Variants in UGT2B4 observed in about 807,000 individuals in gnomAD.
The protein encoded by UGT2B4 is UDP glucuronosyltransferase family 2 member B4, also known as UDP-glucuronosyltransferase 2B4.
In UGT2B4, 49 loss-of-function variants were observed where a neutral mutation model predicts 49.8. The observed-to-expected ratio is 0.98, with a 90% CI of 0.78 to 1.25. The LOEUF (loss-of-function observed/expected upper bound fraction) is 1.25, where lower values mean the gene tolerates loss of function less well. UGT2B4 is among the 50% of genes most tolerant of loss of function. The probability of loss-of-function intolerance (pLI) is 0.00; values close to 1 mark genes in which losing one functional copy is unlikely to be tolerated. For synonymous variants in UGT2B4, 246 were observed against 217.7 expected (o/e 1.13, Z -1.14); for missense variants, 729 against 627.7 (o/e 1.16, Z -1.73).
chr4:69,480,855 G>A lies in UGT2B4; in HGVS notation c.1366C>T (p.Pro456Ser). The change falls in exon 6 of 6, where the codon CCC becomes TCC. Residue 456 changes from proline (P) to serine (S), a missense_variant. Coordinates refer to ENST00000305107, the MANE Select transcript of UGT2B4 (RefSeq NM_021139.3). Reference protein sequence around the residue: ...SRIHHDQPVKPLDRAVFWIEF... With the variant: ...SRIHHDQPVKSLDRAVFWIEF... ...ATCCAGAAGACTGCTCGATCAAGGG[G>A]CTTCACTGGTTGATCATGATGAATT... 2.5e-6 allele frequency: 4 copies of A among 1,613,834 alleles called. No homozygotes were observed. The highest frequency in any genetic ancestry group is 3.4e-6 in the Non-Finnish European group (4 of 1,179,824).
chr4:69,493,678 A>G lies in UGT2B4; in HGVS notation c.870+15T>C. On this transcript the variant is annotated intron_variant, in intron 2 of 5. Transcript: ENST00000305107. ...TGAAACTTCAAAGCAGACAAAACAA[A>G]CAGTAATAGTTTACCTTCGGTAGGG... 6.3e-7 allele frequency: 1 copy of G among 1,592,980 alleles called. No homozygotes were observed. Among genetic ancestry groups the G allele is most frequent in the Non-Finnish European group, 8.5e-7 (1 of 1,173,836 alleles).
chr4:69,505,269 A>G (rs929050255), intron 1 of UGT2B4, among the ~76,000 whole-genome samples: 3 of 152,160 alleles, frequency 2.0e-5, no homozygotes, highest in African/African-American at 4.8e-5. Context: ...ATCAAAAAAT[A>G]CAGAGGGGTA....
upstream of UGT2B4, among the ~76,000 whole-genome samples, chr4:69,499,494 T>A (rs1314424060): frequency 6.6e-6 from 1 of 152,154 alleles, no homozygotes; most frequent in Non-Finnish European, 1.5e-5. Context: ...TGTGTGGGAG[T>A]CTAAGTCTCT....
intron 1 of UGT2B4, among the ~76,000 whole-genome samples, chr4:69,518,590 G>A (rs191334900): frequency 4.6e-5 from 7 of 152,274 alleles, no homozygotes; most frequent in Admixed American, 1.3e-4. Context: ...TTAAGCAACT[G>A]TCTAGAACTT....
At chr4:69,487,926 T>C (rs1727842295) in intron 3 of UGT2B4, among the ~76,000 whole-genome samples, 1 of 152,138 alleles carries the variant, frequency 6.6e-6, no homozygotes. Context: ...TATTCATTTT[T>C]TTGAGTAATA....
intron 1 of UGT2B4, among the ~76,000 whole-genome samples, chr4:69,519,924 G>A (rs971388046): frequency 2.0e-5 from 3 of 152,084 alleles, no homozygotes; most frequent in African/African-American, 7.2e-5. Flanking sequence ...ACAAAAGAAA[G>A]ATGAGGAACT....
intron 5 of UGT2B4, among the ~76,000 whole-genome samples, chr4:69,484,287 C>T (rs923605597): frequency 6.6e-6 from 1 of 152,084 alleles, no homozygotes; most frequent in Non-Finnish European, 1.5e-5. Flanking sequence ...AGAAATTCCA[C>T]GTCTAGTATC....
intron 1 of UGT2B4, among the ~76,000 whole-genome samples, chr4:69,523,067 C>T (rs928346542): frequency 6.6e-6 from 1 of 152,160 alleles, no homozygotes; most frequent in Admixed American, 6.5e-5. Context: ...TTGCTATTTT[C>T]ACCACACCTG....
intron 3 of UGT2B4, among the ~76,000 whole-genome samples, chr4:69,488,592 AG>A (rs1262822503): frequency 2.0e-5 from 3 of 151,988 alleles, no homozygotes; most frequent in African/African-American, 4.8e-5. Context: ...TGTTCTATGG[AG>A]GGGGCATCTG....
chr4:69,510,214 C>T (rs977072225), intron 1 of UGT2B4, among the ~76,000 whole-genome samples: 2 of 151,996 alleles, frequency 1.3e-5, no homozygotes, highest in African/African-American at 4.8e-5. Context: ...GTCTATATAT[C>T]TGTCTTAATT....
At chr4:69,496,768 G>C (rs1322246254), upstream of UGT2B4, among the ~76,000 whole-genome samples, 1 of 151,988 alleles carries the variant, frequency 6.6e-6, no homozygotes, top group African/African-American at 2.4e-5. Context: ...TAAATACATG[G>C]AATCACACAA....
upstream of UGT2B4, among the ~76,000 whole-genome samples, chr4:69,499,273 T>C (rs1472495490): frequency 6.6e-6 from 1 of 152,214 alleles, no homozygotes; most frequent in East Asian, 1.9e-4. Flanking sequence ...AGGAGTGTTT[T>C]ACTTCCATTT....
intron 1 of UGT2B4, among the ~76,000 whole-genome samples, chr4:69,515,849 A>T (rs567847562): frequency 6.6e-6 from 1 of 152,312 alleles, no homozygotes; most frequent in African/African-American, 2.4e-5. Context: ...ATTACTGGAG[A>T]TAATTTAAAA....
At chr4:69,490,227 C>T (rs1727940647) in intron 2 of UGT2B4, among the ~76,000 whole-genome samples, 2 of 152,070 alleles carry the variant, frequency 1.3e-5, no homozygotes, top group Admixed American at 6.6e-5. Flanking sequence ...CTATAAATTT[C>T]TATAAATAAT....
chr4:69,497,464 C>G (rs754228863), upstream of UGT2B4, among the ~76,000 whole-genome samples: 2 of 152,190 alleles, frequency 1.3e-5, no homozygotes, highest in South Asian at 2.1e-4. Context: ...CATAATGTCT[C>G]ATTGTAATTG....
intron 1 of UGT2B4, among the ~76,000 whole-genome samples, chr4:69,525,487 T>C (rs929968043): frequency 2.0e-5 from 3 of 152,162 alleles, no homozygotes; most frequent in African/African-American, 7.2e-5. Flanking sequence ...TATGAACCAT[T>C]TGAAATTTGT....
chr4:69,502,085 TTCTCTC>T (rs760287850), intron 1 of UGT2B4, among the ~76,000 whole-genome samples: 4 of 82,794 alleles, frequency 4.8e-5, no homozygotes, highest in Middle Eastern at 6.8e-3. Flanking sequence ...CTTTCTTTCT[TTCTCTC>T]TCTTTCTTTC....
intron 1 of UGT2B4, among the ~76,000 whole-genome samples, chr4:69,509,201 C>G (rs957813035): frequency 4.3e-5 from 5 of 115,090 alleles, no homozygotes; most frequent in African/African-American, 1.6e-4. Flanking sequence ...GACAGGGTCT[C>G]ACTCTGCTAC....
chr4:69,517,915 T>G, intron 1 of UGT2B4: 1 of 164,598 alleles, frequency 6.1e-6, no homozygotes, highest in Non-Finnish European at 1.5e-5. Flanking sequence ...TGCAAGCAAC[T>G]CAGCAATAAA....
Sources: gnomAD v4.1 joint callset for allele counts (sites outside exome capture counted in the v4.1 genomes callset) on GRCh38, gnomAD v4.1.1 for gene constraint, MANE v1.5 for transcripts, NCBI Gene and HGNC (gene_info 2026-07-23, HGNC 2026-07-21) for gene names.